The following GRIK3 variants were observed in gnomAD, a reference collection of about 807,000 sequenced individuals.
GRIK3 encodes glutamate ionotropic receptor kainate type subunit 3.
GRIK3 carries 29 observed loss-of-function variants against 102.5 expected under a neutral mutation model. That is an observed-to-expected ratio of 0.28 (90% confidence interval 0.21 to 0.39). GRIK3 has a LOEUF of 0.39. Ranked by LOEUF, GRIK3 falls within the 10% of genes least tolerant of loss-of-function variation. The pLI is 1.00. For synonymous variants in GRIK3, 511 were observed against 504.9 expected (o/e 1.01, Z -0.16); for missense variants, 908 against 1,252.4 (o/e 0.73, Z 4.15).
intron 1 of GRIK3, among the ~76,000 whole-genome samples, chr1:37,012,666 T>C (rs1199042048): frequency 6.6e-6 from 1 of 152,212 alleles, no homozygotes; most frequent in East Asian, 1.9e-4. Flanking sequence ...GTGGGTACTG[T>C]GTTCCCAAGG....
At chr1:36,948,315 C>T (rs1381415283) in intron 1 of GRIK3, among the ~76,000 whole-genome samples, 1 of 152,240 alleles carries the variant, frequency 6.6e-6, no homozygotes, top group Non-Finnish European at 1.5e-5. Flanking sequence ...GTGCCAGATC[C>T]TGTACTGGGA....
At chr1:36,891,190 T>G in intron 1 of GRIK3, 94 bp from the exon 2 acceptor site, 2 of 918,570 alleles carry the variant, frequency 2.2e-6, no homozygotes, top group Non-Finnish European at 3.4e-6. Context: ...ACAAGTTGCC[T>G]GCTCCCTGAA....
At chr1:36,927,308 T>G (rs1349246548) in intron 1 of GRIK3, among the ~76,000 whole-genome samples, 1 of 152,240 alleles carries the variant, frequency 6.6e-6, no homozygotes. Context: ...CTCCAGAAGC[T>G]GGGGCCTTAA....
At chr1:36,982,758 G>A (rs1642263061) in intron 1 of GRIK3, among the ~76,000 whole-genome samples, 1 of 151,700 alleles carries the variant, frequency 6.6e-6, no homozygotes. Context: ...AGGCAGGAAA[G>A]TGGAGGGGTC....
chr1:36,852,461 G>A (rs899429037), intron 8 of GRIK3, among the ~76,000 whole-genome samples: 1 of 152,180 alleles, frequency 6.6e-6, no homozygotes, highest in Non-Finnish European at 1.5e-5. Context: ...ATGTGGAAAC[G>A]AGGCCCAGAA....
At chr1:36,868,220 T>C in intron 5 of GRIK3, among the ~76,000 whole-genome samples, 1 of 152,180 alleles carries the variant, frequency 6.6e-6, no homozygotes, top group East Asian at 1.9e-4. Context: ...TGCTCCCAGC[T>C]CTGGACAGAG....
At chr1:37,015,085 C>T (rs2124064658) in intron 1 of GRIK3, among the ~76,000 whole-genome samples, 1 of 152,260 alleles carries the variant, frequency 6.6e-6, no homozygotes, top group South Asian at 2.1e-4. Flanking sequence ...GGTCCCATCT[C>T]TGCATCAAGA....
chr1:36,989,153 C>T (rs1642337870), intron 1 of GRIK3, among the ~76,000 whole-genome samples: 1 of 152,222 alleles, frequency 6.6e-6, no homozygotes, highest in South Asian at 2.1e-4. Context: ...TTCCCGTACA[C>T]ATGCTCCATG....
In GRIK3 at chr1:36,886,318, A is replaced by C. The variant is rs1641036810; in HGVS notation, c.292+4602T>G. Among the ~76,000 whole-genome samples, 5 of 152,266 alleles carry C rather than the reference A, an allele frequency of 3.3e-5. 1 individual carries two copies. In the South Asian group the frequency reaches 1.0e-3, roughly 32 times the overall value. ...AGGTGGCTGGATCCAGCTGGAGGGG[A>C]AGAAAGCAATGACGAGGACTTCTGT... On this transcript the variant is annotated intron_variant, in intron 2 of 15. Coordinates refer to ENST00000373091, the MANE Select transcript of GRIK3 (RefSeq NM_000831.4).
intron 1 of GRIK3, among the ~76,000 whole-genome samples, chr1:36,990,055 T>C (rs963037388): frequency 6.6e-6 from 1 of 152,174 alleles, no homozygotes; most frequent in Admixed American, 6.5e-5. Context: ...GTGTAGCTTC[T>C]GAGTGGACCC....
chr1:36,815,169 A>C (rs534734592), intron 13 of GRIK3, among the ~76,000 whole-genome samples: 2 of 152,034 alleles, frequency 1.3e-5, no homozygotes, highest in Non-Finnish European at 2.9e-5. Context: ...TCTTCCCCTC[A>C]CTCTAAATAC....
chr1:36,842,408 A>G (rs1055517480), intron 9 of GRIK3, among the ~76,000 whole-genome samples: 1 of 152,226 alleles, frequency 6.6e-6, no homozygotes, highest in Non-Finnish European at 1.5e-5. Flanking sequence ...CTGTGTTTTC[A>G]GAAGCCTTCC....
At chr1:36,956,022 G>C (rs1402076678) in intron 1 of GRIK3, among the ~76,000 whole-genome samples, 2 of 152,276 alleles carry the variant, frequency 1.3e-5, no homozygotes, top group African/African-American at 4.8e-5. Flanking sequence ...AGGCCTCCAG[G>C]CTCCACCAAC....
chr1:37,029,542 G>T (rs1226746524), intron 1 of GRIK3, among the ~76,000 whole-genome samples: 6 of 152,224 alleles, frequency 3.9e-5, no homozygotes, highest in Admixed American at 3.9e-4. Flanking sequence ...CAGTCACTGA[G>T]ATCAAACAGG....
intron 10 of GRIK3, among the ~76,000 whole-genome samples, chr1:36,835,551 G>GCATCA (rs2124209104): frequency 6.6e-6 from 1 of 152,244 alleles, no homozygotes; most frequent in South Asian, 2.1e-4. Context: ...CTTGCCCTTG[G>GCATCA]CACTCATTCT....
chr1:36,931,013 C>T (rs535431267), intron 1 of GRIK3, among the ~76,000 whole-genome samples: 5 of 152,174 alleles, frequency 3.3e-5, no homozygotes, highest in Non-Finnish European at 7.3e-5. Context: ...TCTCAGGGAC[C>T]ATGTTCTTCT....
chr1:36,853,777 G>T, intron 7 of GRIK3, 55 bp from the exon 8 acceptor site: 1 of 930,838 alleles, frequency 1.1e-6, no homozygotes, highest in Non-Finnish European at 1.8e-6. Context: ...ATCATCATTC[G>T]GTACAACTGT....
chr1:36,873,533 G>A (rs918667865), intron 3 of GRIK3, among the ~76,000 whole-genome samples: 2 of 151,946 alleles, frequency 1.3e-5, no homozygotes, highest in Non-Finnish European at 2.9e-5. Context: ...GCCAGCACAC[G>A]GCCAGGTCCC....
chr1:37,007,690 C>G (rs1227259546), intron 1 of GRIK3, among the ~76,000 whole-genome samples: 1 of 152,230 alleles, frequency 6.6e-6, no homozygotes, highest in Non-Finnish European at 1.5e-5. Context: ...TTTCCCAGCA[C>G]TATCAGCCAC....
Sources: allele counts gnomAD v4.1 joint callset (sites outside exome capture counted in the v4.1 genomes callset), GRCh38; gene constraint gnomAD v4.1.1; transcripts MANE v1.5; gene names NCBI Gene and HGNC (gene_info 2026-07-23, HGNC 2026-07-21).